The following NRXN1 variants were observed in gnomAD, a reference collection of about 807,000 sequenced individuals.
The protein encoded by NRXN1 is neurexin 1.
NRXN1 carries 39 observed loss-of-function variants against 150.9 expected under a neutral mutation model. That is an observed-to-expected ratio of 0.26 (90% CI 0.20 to 0.34). The LOEUF (loss-of-function observed/expected upper bound fraction) is 0.34. Among genes scored for constraint, NRXN1 ranks in the 10% least tolerant of loss-of-function variants. The pLI is 1.00. For synonymous variants in NRXN1, 924 were observed against 757.0 expected (o/e 1.22, Z -3.62); for missense variants, 1,815 against 1,949.9 (o/e 0.93, Z 1.30).
chr2:50,553,335 A>G (rs1476591582), intron 8 of NRXN1, among the ~76,000 whole-genome samples: 1 of 152,224 alleles, frequency 6.6e-6, no homozygotes, highest in Non-Finnish European at 1.5e-5. Context: ...TTTCATGTCT[A>G]CATTACCATG....
At chr2:50,229,361 C>A (rs1479393254) in intron 18 of NRXN1, among the ~76,000 whole-genome samples, 1 of 151,748 alleles carries the variant, frequency 6.6e-6, no homozygotes, top group Non-Finnish European at 1.5e-5. Context: ...AGTAATTTTC[C>A]TGATCATTGT....
chr2:50,523,014 C>A (rs1014615361), intron 12 of NRXN1, among the ~76,000 whole-genome samples: 10 of 152,108 alleles, frequency 6.6e-5, no homozygotes, highest in African/African-American at 2.2e-4. Flanking sequence ...GGATTACAGG[C>A]GTGAGCCACA....
At chr2:50,643,136 A>C (rs181845947) in intron 5 of NRXN1, among the ~76,000 whole-genome samples, 13 of 152,096 alleles carry the variant, frequency 8.5e-5, no homozygotes, top group African/African-American at 3.1e-4. Flanking sequence ...CTACAAATGC[A>C]TACAGGGCCT....
chr2:50,975,602 G>C (rs1177437689), intron 2 of NRXN1, among the ~76,000 whole-genome samples: 2 of 151,994 alleles, frequency 1.3e-5, no homozygotes, highest in Admixed American at 1.3e-4. Flanking sequence ...GTATACTCTT[G>C]AAATATATTT....
At chr2:50,292,842 T>C (rs1294858377) in intron 17 of NRXN1, among the ~76,000 whole-genome samples, 2 of 152,190 alleles carry the variant, frequency 1.3e-5, no homozygotes, top group Non-Finnish European at 2.9e-5. Context: ...TCTTGATTCA[T>C]TATACTTGAG....
chr2:50,733,576 T>A (rs1698364651), intron 5 of NRXN1, among the ~76,000 whole-genome samples: 1 of 152,190 alleles, frequency 6.6e-6, no homozygotes, highest in South Asian at 2.1e-4. Flanking sequence ...TTGCCCTTAA[T>A]AATGAAAAAG....
chr2:50,164,055 A>G (rs2152791284), intron 18 of NRXN1, among the ~76,000 whole-genome samples: 1 of 152,334 alleles, frequency 6.6e-6, no homozygotes, highest in East Asian at 1.9e-4. Flanking sequence ...TTTACATCAG[A>G]CCAATTTCAC....
At chr2:50,154,013 A>G (rs1413146291) in intron 18 of NRXN1, among the ~76,000 whole-genome samples, 1 of 151,776 alleles carries the variant, frequency 6.6e-6, no homozygotes, top group Admixed American at 6.6e-5. Context: ...AAAATTAACC[A>G]TAATTTATCA....
chr2:50,981,259 C>A (rs570644957), intron 2 of NRXN1, among the ~76,000 whole-genome samples: 1 of 151,700 alleles, frequency 6.6e-6, no homozygotes, highest in South Asian at 2.1e-4. Context: ...GAGTTTGAGA[C>A]CAGCCTGGCC....
At chr2:50,482,901 A>C (rs1332300663) in intron 15 of NRXN1, among the ~76,000 whole-genome samples, 1 of 151,860 alleles carries the variant, frequency 6.6e-6, no homozygotes, top group East Asian at 1.9e-4. Context: ...AAATACAAAA[A>C]TTAGCTGTGC....
chr2:50,454,490 T>G (rs544516688), intron 17 of NRXN1, among the ~76,000 whole-genome samples: 1 of 152,126 alleles, frequency 6.6e-6, no homozygotes, highest in South Asian at 2.1e-4. Context: ...ACATACAAAC[T>G]TTTCCTAGAT....
At chr2:49,968,678 G>A (rs1050566370) in intron 21 of NRXN1, among the ~76,000 whole-genome samples, 7 of 152,018 alleles carry the variant, frequency 4.6e-5, no homozygotes, top group Admixed American at 3.3e-4. Context: ...AACATACAGC[G>A]AAATAACATG....
intron 22 of NRXN1, among the ~76,000 whole-genome samples, chr2:49,943,427 T>A (rs2104378227): frequency 6.6e-6 from 1 of 152,296 alleles, no homozygotes; most frequent in South Asian, 2.1e-4. Context: ...CACACAAAAA[T>A]TATGTTGTGA....
At chr2:50,365,209 A>G (rs1348032425) in intron 17 of NRXN1, among the ~76,000 whole-genome samples, 1 of 152,044 alleles carries the variant, frequency 6.6e-6, no homozygotes, top group Non-Finnish European at 1.5e-5. Flanking sequence ...AAATTTCAGC[A>G]AATGTTTGCT....
chr2:50,609,448 TAATA>T (rs1234781022), intron 8 of NRXN1, among the ~76,000 whole-genome samples: 2 of 152,112 alleles, frequency 1.3e-5, no homozygotes, highest in African/African-American at 4.8e-5. Flanking sequence ...CTCACTATAT[TAATA>T]GAGTATTAAT....
intron 17 of NRXN1, among the ~76,000 whole-genome samples, chr2:50,363,493 G>A (rs1022251942): frequency 1.3e-5 from 2 of 152,168 alleles, no homozygotes; most frequent in African/African-American, 4.8e-5. Context: ...ATGTAAAAAA[G>A]CTCATCATCA....
intron 2 of NRXN1, among the ~76,000 whole-genome samples, chr2:50,954,866 C>A (rs1301828052): frequency 6.6e-6 from 1 of 152,152 alleles, no homozygotes; most frequent in South Asian, 2.1e-4. Context: ...GATGGTATCA[C>A]CAACTGGGTC....
At chr2:50,053,223 C>A in intron 21 of NRXN1, 48 bp downstream of exon 21, 1 of 1,595,224 alleles carries the variant, frequency 6.3e-7, no homozygotes, top group Non-Finnish European at 8.6e-7. Context: ...AGCCCACTAT[C>A]ATAAATAATA....
At chr2:50,827,576 T>C (rs1333626745) in intron 5 of NRXN1, among the ~76,000 whole-genome samples, 3 of 152,246 alleles carry the variant, frequency 2.0e-5, no homozygotes, top group Non-Finnish European at 4.4e-5. Flanking sequence ...ATTATTGATT[T>C]CCACATCTAA....
Sources: allele counts gnomAD v4.1 joint callset (sites outside exome capture counted in the v4.1 genomes callset), GRCh38; gene constraint gnomAD v4.1.1; transcripts MANE v1.5; gene names NCBI Gene and HGNC (gene_info 2026-07-23, HGNC 2026-07-21).